Variants in UHMK1 observed in about 807,000 individuals in gnomAD.
UHMK1 encodes serine/threonine-protein kinase Kist.
A neutral mutation model predicts 44.0 loss-of-function variants in UHMK1; 18 were observed. The ratio of observed to expected loss-of-function variants is 0.41; its 90% confidence interval spans 0.28 to 0.61. The LOEUF is 0.61. Among genes scored for constraint, UHMK1 ranks in the 20% least tolerant of loss-of-function variants. The pLI, the probability that UHMK1 is intolerant of heterozygous loss-of-function variation, is 0.31. For missense variants in UHMK1, 463 were observed against 522.5 expected (o/e 0.89, Z 1.11); for synonymous variants, 231 against 198.5 (o/e 1.16, Z -1.38).
In UHMK1 at chr1:162,522,624, AC is replaced by A. The variant is rs913539926; in HGVS notation, c.*79del. The A allele has an allele frequency of 4.8e-6, 7 of 1,452,276 alleles. No homozygotes were observed. The highest frequency in any genetic ancestry group is 6.6e-6 in the Non-Finnish European group (7 of 1,064,806). The allele number at this position is 1,452,276 out of a possible 1,614,324, so 90.0% of individuals were successfully genotyped here. On this transcript the variant is annotated 3_prime_UTR_variant, in exon 8 of 8. Coordinates refer to ENST00000489294, the MANE Select transcript of UHMK1 (RefSeq NM_175866.5). ...TTATTCCACATATGAATGCAGGACT[AC>A]CCCCTTACCATTTTAAGAAGGTACT...
At position 162,522,850 on chromosome 1, in the gene UHMK1, A is replaced by C; in HGVS notation, c.*300A>C. 4.4e-6 allele frequency: 1 copy of C among 225,724 alleles called. No individual in the cohort carries two copies. The highest frequency in any genetic ancestry group is 1.2e-4 in the South Asian group (1 of 8,170). The allele number at this position is 225,724 out of a possible 1,614,324, so 14.0% of individuals were successfully genotyped here. ...AGCCTAAAAAAATCTTAATTATTTC[A>C]TGGATCATGAAGCAAGGATGAATAA... On this transcript the variant is annotated 3_prime_UTR_variant, in exon 8 of 8. Coordinates refer to ENST00000489294, the MANE Select transcript of UHMK1 (RefSeq NM_175866.5).
upstream of UHMK1, chr1:162,497,697 A>T: frequency 1.1e-6 from 1 of 901,672 alleles, no homozygotes; most frequent in Non-Finnish European, 1.5e-6. Flanking sequence ...AATTAAGGTT[A>T]CTTCTTATTC....
chr1:162,518,573 T>C (rs1557946480), intron 7 of UHMK1, among the ~76,000 whole-genome samples: 2 of 152,024 alleles, frequency 1.3e-5, no homozygotes, highest in South Asian at 2.1e-4. Context: ...TCCCAGCTCC[T>C]TGGGAGGCTG....
chr1:162,518,857 G>A (rs1473348696), intron 7 of UHMK1, among the ~76,000 whole-genome samples: 4 of 150,824 alleles, frequency 2.7e-5, no homozygotes, highest in East Asian at 3.9e-4. Flanking sequence ...GCATGGTGGC[G>A]CATGCCTCTA....
chr1:162,529,387 T>A lies in UHMK1; in HGVS notation c.*6837T>A, dbSNP rs1471464872. 6.6e-6 allele frequency: 1 copy of A among 152,198 alleles called. No individual in the cohort carries two copies. Among genetic ancestry groups the A allele is most frequent in the Non-Finnish European group, 1.5e-5 (1 of 68,004 alleles). The allele number at this position is 152,198 out of a possible 1,614,324, so 9.4% of individuals were successfully genotyped here. On this transcript the variant is annotated 3_prime_UTR_variant, in exon 8 of 8. Coordinates refer to ENST00000489294, the MANE Select transcript of UHMK1 (RefSeq NM_175866.5). ...TCAAGTCTTTTAAACTCTTTCCTGC[T>A]GAATAGCAAAGAACTTTTATTTTCC...
At chr1:162,499,900 T>C in intron 1 of UHMK1, 55 bp from the exon 2 acceptor site, 2 of 1,560,374 alleles carry the variant, frequency 1.3e-6, no homozygotes, top group South Asian at 1.2e-5. Context: ...TTACCTACTT[T>C]AGTAGTGACT....
chr1:162,521,303 A>T (rs1356214093), intron 7 of UHMK1, among the ~76,000 whole-genome samples: 3 of 152,232 alleles, frequency 2.0e-5, no homozygotes, highest in Non-Finnish European at 4.4e-5. Context: ...ATAGAAAAGT[A>T]TAGCCTATCT....
intron 3 of UHMK1, among the ~76,000 whole-genome samples, chr1:162,501,920 C>A (rs542637165): frequency 9.0e-5 from 12 of 133,032 alleles, no homozygotes; most frequent in African/African-American, 3.5e-4. Context: ...AGACCCCAGT[C>A]TCTAGTAAAA....
At chr1:162,508,731 A>G (rs1427300159) in intron 4 of UHMK1, among the ~76,000 whole-genome samples, 1 of 151,330 alleles carries the variant, frequency 6.6e-6, no homozygotes, top group Non-Finnish European at 1.5e-5. Flanking sequence ...TATAATGGTC[A>G]TATCTTTCTG....
At chr1:162,515,770 C>T (rs1651812628) in intron 6 of UHMK1, among the ~76,000 whole-genome samples, 1 of 151,474 alleles carries the variant, frequency 6.6e-6, no homozygotes, top group African/African-American at 2.4e-5. Context: ...CGTGGTGGCT[C>T]ATGCCTGTAA....
chr1:162,511,247 G>A (rs1362772520), intron 4 of UHMK1, among the ~76,000 whole-genome samples: 1 of 141,384 alleles, frequency 7.1e-6, no homozygotes, highest in Non-Finnish European at 1.5e-5. Context: ...TTGTAGTGCA[G>A]TGGTGTAAAC....
chr1:162,518,251 G>A (rs1363520860), intron 7 of UHMK1, 61 bp downstream of exon 7: 1 of 1,294,870 alleles, frequency 7.7e-7, no homozygotes, highest in Non-Finnish European at 1.1e-6. Context: ...TGTGTTAAAT[G>A]TTTTAGTTCT....
chr1:162,525,221 C>A lies in UHMK1; in HGVS notation c.*2671C>A, dbSNP rs552638561. On this transcript the variant is annotated 3_prime_UTR_variant, in exon 8 of 8. Coordinates refer to ENST00000489294, the MANE Select transcript of UHMK1 (RefSeq NM_175866.5). ...AACCTGAACCAAATATCAAAAGATACAAGTTTCATGATTAGGATGAAATAT... is the reference window on the plus strand; with the variant it reads ...AACCTGAACCAAATATCAAAAGATAAAAGTTTCATGATTAGGATGAAATAT... 1 of 152,242 alleles carries A rather than the reference C, an allele frequency of 6.6e-6. No homozygotes were observed. Among genetic ancestry groups the A allele is most frequent in the Non-Finnish European group, 1.5e-5 (1 of 68,018 alleles). The allele number at this position is 152,242 out of a possible 1,614,324, so 9.4% of individuals were successfully genotyped here.
chr1:162,520,393 A>G (rs1652012386), intron 7 of UHMK1, among the ~76,000 whole-genome samples: 1 of 152,206 alleles, frequency 6.6e-6, no homozygotes, highest in South Asian at 2.1e-4. Flanking sequence ...TTTAACTGAT[A>G]TTTATTGAGC....
rs1456514980 is a variant in UHMK1 at position 162,497,934 on chromosome 1, C to G, written c.-67C>G. The G allele has an allele frequency of 5.6e-6, 8 of 1,434,888 alleles. 1 individual carries two copies. In the African/African-American group the frequency reaches 6.0e-5, roughly 11 times the overall value. 88.9% of individuals were successfully genotyped at this position (1,434,888 alleles called of 1,614,324 possible). A position where few individuals can be genotyped will look rare whatever the true frequency, so the allele number is the denominator to read the frequency against. On this transcript the variant is annotated 5_prime_UTR_variant, in exon 1 of 8. Coordinates refer to ENST00000489294, the MANE Select transcript of UHMK1 (RefSeq NM_175866.5). ...CTGGTCCGGCTGGCGGAGATGTGAC[C>G]GCGGGCCCGGCCGGCCTGCCTCAGG...
chr1:162,497,817 T>C (rs2101665856), upstream of UHMK1: 3 of 1,341,768 alleles, frequency 2.2e-6, no homozygotes, highest in African/African-American at 1.5e-5. Context: ...TTCCGGCTTC[T>C]GGGACTCGGG....
At chr1:162,508,792 G>C (rs886653690) in intron 4 of UHMK1, among the ~76,000 whole-genome samples, 2 of 150,426 alleles carry the variant, frequency 1.3e-5, no homozygotes, top group African/African-American at 4.9e-5. Context: ...TTGTACAATA[G>C]ATACTTTTCT....
chr1:162,497,919 T>C lies in UHMK1; in HGVS notation c.-82T>C, dbSNP rs1651110286. ...CTCCCTGCGGAGCCGCTGGTCCGGC[T>C]GGCGGAGATGTGACCGCGGGCCCGG... On this transcript the variant is annotated 5_prime_UTR_variant, in exon 1 of 8. Coordinates refer to ENST00000489294, the MANE Select transcript of UHMK1 (RefSeq NM_175866.5). 3.5e-6 allele frequency: 5 copies of C among 1,434,244 alleles called. No individual in the cohort carries two copies. The East Asian group carries it at 8.0e-5, about 23-fold the overall frequency. The allele number at this position is 1,434,244 out of a possible 1,614,324, so 88.8% of individuals were successfully genotyped here.
At position 162,526,864 on chromosome 1, in the gene UHMK1, A is replaced by C. The variant is rs774747807; in HGVS notation, c.*4314A>C. Reference sequence around the variant, plus strand: ...TCAGGTTCCTTCATCAAATTTTACTACTGTAGCTCTGTGATATAATTTCAT... The same window carrying C: ...TCAGGTTCCTTCATCAAATTTTACTCCTGTAGCTCTGTGATATAATTTCAT... On this transcript the variant is annotated 3_prime_UTR_variant, in exon 8 of 8. Coordinates refer to ENST00000489294, the MANE Select transcript of UHMK1 (RefSeq NM_175866.5). The C allele has an allele frequency of 6.6e-6, 1 of 152,096 alleles. No homozygotes were observed. Among genetic ancestry groups the C allele is most frequent in the Admixed American group, 6.5e-5 (1 of 15,268 alleles). 9.4% of individuals were successfully genotyped at this position (152,096 alleles called of 1,614,324 possible). A position where few individuals can be genotyped will look rare whatever the true frequency, so the allele number is the denominator to read the frequency against.
Sources: allele counts gnomAD v4.1 joint callset (sites outside exome capture counted in the v4.1 genomes callset), GRCh38; gene constraint gnomAD v4.1.1; transcripts MANE v1.5; gene names NCBI Gene and HGNC (gene_info 2026-07-23, HGNC 2026-07-21).